STK3: variants seen among roughly 807,000 people sequenced by gnomAD.
The protein encoded by STK3 is serine/threonine-protein kinase 3.
A neutral mutation model predicts 58.0 loss-of-function variants in STK3; 41 were observed. The ratio of observed to expected loss-of-function variants is 0.71; its 90% CI spans 0.55 to 0.92. The LOEUF is 0.92. Ranked by LOEUF, STK3 falls within the 40% of genes least tolerant of loss-of-function variation. The pLI, the probability that STK3 is intolerant of heterozygous loss-of-function variation, is 0.00. For synonymous variants in STK3, 170 were observed against 191.0 expected (o/e 0.89, Z 0.91); for missense variants, 479 against 602.7 (o/e 0.79, Z 2.15).
chr8:98,437,411 C>A (rs537451582), intron 1 of STK3: 1 of 152,470 alleles, frequency 6.6e-6, no homozygotes, highest in East Asian at 1.9e-4. Flanking sequence ...CCTCCCACAG[C>A]AGCCAGTCCA....
rs184497933 is a variant in STK3, at chr8:98,788,137, T to C, written c.27-13318A>G. On this transcript the variant is annotated intron_variant, in intron 1 of 10. Transcript: ENST00000419617. ...ACGTTGAATGTAAATAGCCTAAACATTCCACTTAAAAGATACAGAACTGGC... is the reference window on the plus strand; with the variant it reads ...ACGTTGAATGTAAATAGCCTAAACACTCCACTTAAAAGATACAGAACTGGC... Among the ~76,000 whole-genome samples the C allele has an allele frequency of 4.1e-4, 63 of 152,158 alleles. 1 individual carries two copies. In the East Asian group the frequency reaches 0.011, roughly 27 times the overall value.
intron 4 of STK3, 28 bp from the exon 5 acceptor site, chr8:98,707,339 ATTAAAATGCCACG>A: frequency 1.4e-6 from 2 of 1,453,664 alleles, no homozygotes; most frequent in Non-Finnish European, 1.9e-6. Context: ...TAAAACCATA[ATTAAAATGCCACG>A]TTAGATAAAA....
chr8:98,344,173 C>T, the STK3 span, among the ~76,000 whole-genome samples: 1 of 152,176 alleles, frequency 6.6e-6, no homozygotes, highest in Admixed American at 6.5e-5. Flanking sequence ...CATGTGGATA[C>T]TGCCCCAGGC....
At chr8:98,910,942 C>T (rs1015053467) in intron 1 of STK3, among the ~76,000 whole-genome samples, 1 of 152,154 alleles carries the variant, frequency 6.6e-6, no homozygotes, top group South Asian at 2.1e-4. Flanking sequence ...GGTCAGCCAT[C>T]GCACTTAGCA....
At chr8:98,558,045 A>G (rs983899888) in intron 8 of STK3, among the ~76,000 whole-genome samples, 2 of 152,138 alleles carry the variant, frequency 1.3e-5, no homozygotes, top group Non-Finnish European at 2.9e-5. Flanking sequence ...TATACAATAG[A>G]GTAAATTAAA....
At chr8:98,935,236 C>T (rs1221268553) in intron 1 of STK3, among the ~76,000 whole-genome samples, 2 of 152,146 alleles carry the variant, frequency 1.3e-5, no homozygotes, top group Non-Finnish European at 2.9e-5. Flanking sequence ...TATCTTGGAC[C>T]ATAAAGTAAG....
intron 10 of STK3, among the ~76,000 whole-genome samples, chr8:98,457,575 A>C (rs1563620246): frequency 6.6e-6 from 1 of 152,224 alleles, no homozygotes; most frequent in East Asian, 1.9e-4. Context: ...CTATTTTATA[A>C]TTGATTTTTA....
intron 3 of STK3, among the ~76,000 whole-genome samples, chr8:98,752,946 C>CAAA (rs35305701): frequency 2.0e-4 from 26 of 128,352 alleles, no homozygotes; most frequent in African/African-American, 4.0e-4. Context: ...ATTAAAAAGT[C>CAAA]AAAAAAAAAA....
intron 4 of STK3, among the ~76,000 whole-genome samples, chr8:98,741,935 A>C (rs1464230669): frequency 2.0e-5 from 3 of 152,230 alleles, no homozygotes; most frequent in Non-Finnish European, 2.9e-5. Flanking sequence ...AACTACCATC[A>C]GAGAATACTA....
At chr8:98,759,175 C>T (rs192384970) in intron 3 of STK3, among the ~76,000 whole-genome samples, 51 of 152,338 alleles carry the variant, frequency 3.3e-4, no homozygotes, top group African/African-American at 1.1e-3. Flanking sequence ...CAGCTTATTT[C>T]GGCTTTCAAC....
intron 6 of STK3, among the ~76,000 whole-genome samples, chr8:98,657,804 C>CA (rs1490614025): frequency 4.0e-5 from 6 of 151,872 alleles, no homozygotes; most frequent in Admixed American, 3.9e-4. Context: ...TGAAGAAACA[C>CA]AGACACATTC....
chr8:98,453,462 G>A (rs1033819197), downstream of STK3, among the ~76,000 whole-genome samples: 1 of 152,162 alleles, frequency 6.6e-6, no homozygotes, highest in African/African-American at 2.4e-5. Context: ...AGAGTAAGAA[G>A]ATAGGAAAAA....
chr8:98,738,946 A>T (rs1438512250), intron 4 of STK3, among the ~76,000 whole-genome samples: 2 of 152,230 alleles, frequency 1.3e-5, no homozygotes, highest in East Asian at 3.9e-4. Context: ...TATATCCCAC[A>T]CCTGGCTCGG....
At chr8:98,713,936 T>C (rs1480217772) in intron 4 of STK3, among the ~76,000 whole-genome samples, 1 of 152,146 alleles carries the variant, frequency 6.6e-6, no homozygotes, top group African/African-American at 2.4e-5. Context: ...TCCACCATGA[T>C]CAAGTTGGAT....
chr8:98,635,558 G>C (rs1819555492), intron 6 of STK3, among the ~76,000 whole-genome samples: 1 of 152,084 alleles, frequency 6.6e-6, no homozygotes. Context: ...GGTGGATAAA[G>C]AATACTTTTG....
chr8:98,603,390 C>T (rs949272899), intron 6 of STK3: 4 of 152,132 alleles, frequency 2.6e-5, no homozygotes, highest in South Asian at 2.1e-4. Context: ...GTGCCCGCCA[C>T]CATGCCTGGC....
chr8:98,421,151 C>T (rs1818168853), intron 3 of STK3, among the ~76,000 whole-genome samples: 1 of 152,184 alleles, frequency 6.6e-6, no homozygotes, highest in Non-Finnish European at 1.5e-5. Flanking sequence ...GGGCATTCCA[C>T]TGGTCCCAGA....
downstream of STK3, among the ~76,000 whole-genome samples, chr8:98,367,774 A>G (rs1490872444): frequency 1.3e-5 from 2 of 152,214 alleles, no homozygotes; most frequent in African/African-American, 2.4e-5. Context: ...GCTAATGGGA[A>G]GCACATTGAT....
chr8:98,792,739 C>T (rs1384370290), intron 1 of STK3, among the ~76,000 whole-genome samples: 3 of 152,098 alleles, frequency 2.0e-5, no homozygotes, highest in Non-Finnish European at 4.4e-5. Flanking sequence ...CTACCATTTG[C>T]TCCAGCAATC....
Sources: allele counts gnomAD v4.1 joint callset (sites outside exome capture counted in the v4.1 genomes callset), GRCh38; gene constraint gnomAD v4.1.1; transcripts MANE v1.5; gene names NCBI Gene and HGNC (gene_info 2026-07-23, HGNC 2026-07-21).